The following SCN10A variants were observed in gnomAD, a reference collection of about 807,000 sequenced individuals.
SCN10A encodes sodium channel protein type 10 subunit alpha.
Under a neutral mutation model 170.7 loss-of-function variants are expected in SCN10A, and 162 were observed. That is an observed-to-expected ratio of 0.95 (90% CI 0.84 to 1.08). The LOEUF is 1.08. SCN10A is among the 50% of genes least tolerant of loss of function. SCN10A has a pLI of 0.00. For synonymous variants in SCN10A, 985 were observed against 904.6 expected (o/e 1.09, Z -1.59); for missense variants, 2,527 against 2,436.9 (o/e 1.04, Z -0.78).
chr3:38,739,944 CG>C (rs2063613586), intron 14 of SCN10A, among the ~76,000 whole-genome samples: 1 of 152,024 alleles, frequency 6.6e-6, no homozygotes, highest in Non-Finnish European at 1.5e-5. Flanking sequence ...GTGGAATAAG[CG>C]GATAGTCTTT....
intron 16 of SCN10A, among the ~76,000 whole-genome samples, 162 bp from the exon 17 acceptor site, chr3:38,727,214 T>C (rs1170333924): frequency 1.3e-5 from 2 of 152,128 alleles, no homozygotes; most frequent in African/African-American, 2.4e-5. Flanking sequence ...CTGAGAGCAG[T>C]TGAGGGAAAG....
intron 17 of SCN10A, 150 bp downstream of exon 17, chr3:38,726,456 C>G: frequency 1.6e-6 from 1 of 608,402 alleles, no homozygotes; most frequent in Non-Finnish European, 2.7e-6. Flanking sequence ...CTTCCAGGCC[C>G]TGCTCAAACG....
At chr3:38,783,288 C>T (rs1229712378) in intron 4 of SCN10A, among the ~76,000 whole-genome samples, 1 of 152,108 alleles carries the variant, frequency 6.6e-6, no homozygotes, top group African/African-American at 2.4e-5. Flanking sequence ...TTCACCAGCT[C>T]CTTCCCAATT....
In SCN10A at chr3:38,697,195, TG is replaced by T; in HGVS notation, c.*153del. The T allele has an allele frequency of 8.4e-7, 1 of 1,192,400 alleles. No homozygotes were observed. Among genetic ancestry groups the T allele is most frequent in the Non-Finnish European group, 1.1e-6 (1 of 870,036 alleles). 73.9% of individuals were successfully genotyped at this position (1,192,400 alleles called of 1,614,324 possible). On this transcript the variant is annotated 3_prime_UTR_variant, in exon 28 of 28. Transcript: ENST00000449082. ...TTGTGTATGATGGTTTTTTCAAAGG[TG>T]GTTACCAGTTGCATTCCCTGCCCAG...
intron 4 of SCN10A, among the ~76,000 whole-genome samples, chr3:38,782,506 G>A (rs939892576): frequency 1.3e-5 from 2 of 151,634 alleles, no homozygotes; most frequent in South Asian, 2.1e-4. Flanking sequence ...TCTTTCCCCC[G>A]TGCTGTCATT....
Position 38,707,287 on chromosome 3 carries a change from G to A in SCN10A, c.4378C>T (p.Arg1460Trp), listed in dbSNP as rs148619598. The change falls in exon 26 of 28, where the codon CGG becomes TGG. Residue 1460 changes from arginine (R) to tryptophan (W), a missense_variant. Transcript: ENST00000449082. ...GSKKPQKPIPRPLNKFQGFVF... is the reference protein window; with the variant it reads ...GSKKPQKPIPWPLNKFQGFVF... ...AAACCTCTGGGGCTCACCAGGGGCC[G>A]TGGGATGGGCTTCTGGGGCTTCTTG... The A allele has an allele frequency of 1.2e-4, 199 of 1,613,830 alleles. No homozygotes were observed. In the Admixed American group the frequency reaches 1.9e-3, roughly 15 times the overall value.
chr3:38,713,885 C>T (rs2063302353), intron 22 of SCN10A, 73 bp downstream of exon 22: 5 of 1,584,608 alleles, frequency 3.2e-6, no homozygotes, highest in Non-Finnish European at 4.3e-6. Flanking sequence ...GCCTCAGCCT[C>T]CCAAAGTGCT....
chr3:38,701,262 C>T (rs2063153313), intron 27 of SCN10A, among the ~76,000 whole-genome samples: 1 of 152,164 alleles, frequency 6.6e-6, no homozygotes, highest in Non-Finnish European at 1.5e-5. Flanking sequence ...CCAGACTGGG[C>T]CTTAACAGTA....
intron 19 of SCN10A, 143 bp from the exon 20 acceptor site, chr3:38,722,555 G>A (rs1211811732): frequency 1.4e-5 from 12 of 882,564 alleles, no homozygotes; most frequent in Non-Finnish European, 2.1e-5. Flanking sequence ...TATGGGTGAA[G>A]AGGGGTCCCT....
At chr3:38,798,531 A>C (rs1030503080) in intron 1 of SCN10A, among the ~76,000 whole-genome samples, 2 of 152,168 alleles carry the variant, frequency 1.3e-5, no homozygotes, top group Non-Finnish European at 2.9e-5. Flanking sequence ...TAGCCATATC[A>C]AATGTATGTG....
At chr3:38,742,939 G>T (rs1276510080) in intron 13 of SCN10A, among the ~76,000 whole-genome samples, 1 of 152,102 alleles carries the variant, frequency 6.6e-6, no homozygotes, top group East Asian at 1.9e-4. Flanking sequence ...AGACTACTCT[G>T]TACTTGCACC....
intron 1 of SCN10A, among the ~76,000 whole-genome samples, chr3:38,804,010 T>C: frequency 6.6e-6 from 1 of 152,102 alleles, no homozygotes; most frequent in Middle Eastern, 3.2e-3. Flanking sequence ...TTATATCTTC[T>C]TAACTTATCT....
chr3:38,723,780 A>G (rs1244414655), intron 18 of SCN10A, among the ~76,000 whole-genome samples: 1 of 152,216 alleles, frequency 6.6e-6, no homozygotes, highest in African/African-American at 2.4e-5. Context: ...AATTACACCC[A>G]TAACGACTCT....
chr3:38,785,185 G>C (rs746218660), intron 4 of SCN10A, among the ~76,000 whole-genome samples: 3 of 152,130 alleles, frequency 2.0e-5, no homozygotes, highest in Non-Finnish European at 2.9e-5. Context: ...ACAATTCTAA[G>C]CAAAAAGAAG....
intron 1 of SCN10A, among the ~76,000 whole-genome samples, chr3:38,808,413 G>A (rs1461204762): frequency 2.0e-5 from 3 of 152,122 alleles, no homozygotes; most frequent in African/African-American, 7.2e-5. Context: ...TTTCCTGGAG[G>A]CCATTTATTT....
chr3:38,798,786 C>T (rs183313892), intron 1 of SCN10A, among the ~76,000 whole-genome samples: 4 of 97,718 alleles, frequency 4.1e-5, no homozygotes, highest in South Asian at 4.2e-4. Context: ...CCCTTGCCTC[C>T]TTTTTTTTTT....
intron 4 of SCN10A, among the ~76,000 whole-genome samples, chr3:38,785,717 T>G (rs12172966): frequency 0.21 from 31,589 of 152,036 alleles, 3,891 homozygotes; most frequent in Middle Eastern, 0.31. Context: ...GGGAGAAAAT[T>G]TTTGCAATCT....
At chr3:38,700,221 A>C (rs1396683773) in intron 27 of SCN10A, among the ~76,000 whole-genome samples, 1 of 152,232 alleles carries the variant, frequency 6.6e-6, no homozygotes, top group East Asian at 1.9e-4. Flanking sequence ...GCATTTATAT[A>C]AGGAATCTAA....
At chr3:38,815,970 C>T (rs1030440433) in intron 1 of SCN10A, 67 bp downstream of exon 1, 5 of 152,132 alleles carry the variant, frequency 3.3e-5, no homozygotes, top group Non-Finnish European at 7.3e-5. Flanking sequence ...CTGTAATCCC[C>T]CTCAAAATAC....
Sources: allele counts gnomAD v4.1 joint callset (sites outside exome capture counted in the v4.1 genomes callset), GRCh38; gene constraint gnomAD v4.1.1; transcripts MANE v1.5; gene names NCBI Gene and HGNC (gene_info 2026-07-23, HGNC 2026-07-21).